The following COX10 variants were observed in gnomAD, a reference collection of about 807,000 sequenced individuals.
COX10 encodes the protein cytochrome c oxidase assembly factor heme A:farnesyltransferase COX10.
A neutral mutation model predicts 37.3 loss-of-function variants in COX10; 27 were observed. The ratio of observed to expected loss-of-function variants is 0.72; its 90% confidence interval spans 0.53 to 1.00. The LOEUF (loss-of-function observed/expected upper bound fraction) is 1.00, where lower values mean the gene tolerates loss of function less well. Among genes scored for constraint, COX10 ranks in the 50% least tolerant of loss-of-function variants. COX10 has a pLI of 0.00. For synonymous variants in COX10, 222 were observed against 229.1 expected (o/e 0.97, Z 0.28); for missense variants, 475 against 563.2 (o/e 0.84, Z 1.59).
intron 4 of COX10, among the ~76,000 whole-genome samples, chr17:14,135,538 T>C (rs1904336506): frequency 6.6e-6 from 1 of 151,898 alleles, no homozygotes; most frequent in Admixed American, 6.6e-5. Context: ...AATTAAGGAC[T>C]GCAGAAGATT....
rs531828735 is a variant in COX10, at chr17:14,165,637, G to A, written c.695+5690G>A. On this transcript the variant is annotated intron_variant, in intron 5 of 6. Coordinates refer to ENST00000261643, the MANE Select transcript of COX10 (RefSeq NM_001303.4). ...ATAGCCTTGTGTGTGCAAGTGAAAG[G>A]GACAATTGCTTGTCTCTCACTTTAA... 1.1e-3 allele frequency among the ~76,000 whole-genome samples: 162 copies of A among 152,226 alleles called. 1 individual carries two copies. Among genetic ancestry groups the A allele is most frequent in the African/African-American group, 3.8e-3 (159 of 41,510 alleles).
chr17:14,080,283 G>T (rs1915260921), intron 3 of COX10, among the ~76,000 whole-genome samples: 1 of 146,632 alleles, frequency 6.8e-6, no homozygotes, highest in Admixed American at 7.0e-5. Flanking sequence ...GAGTCCAGTG[G>T]CGAGATCTCA....
chr17:14,206,233 A>G (rs4792445), intron 6 of COX10, among the ~76,000 whole-genome samples: 151,361 of 152,220 alleles, frequency 0.99, 75,268 homozygotes, highest in Middle Eastern at 1. Context: ...ACTGCCCTGG[A>G]AAGGGAGCCA....
intron 5 of COX10, among the ~76,000 whole-genome samples, chr17:14,183,432 A>G (rs1905925659): frequency 2.0e-5 from 3 of 152,114 alleles, no homozygotes; most frequent in Admixed American, 2.0e-4. Context: ...GTTCAACTCT[A>G]TTTCAGATTG....
intron 3 of COX10, among the ~76,000 whole-genome samples, chr17:14,089,360 A>C (rs1179637983): frequency 6.6e-6 from 1 of 152,222 alleles, no homozygotes; most frequent in African/African-American, 2.4e-5. Flanking sequence ...GTGGTTGTGG[A>C]TGTGTACTGA....
chr17:14,140,269 C>T (rs989544374), intron 4 of COX10, among the ~76,000 whole-genome samples: 2 of 151,920 alleles, frequency 1.3e-5, no homozygotes, highest in Admixed American at 1.3e-4. Context: ...AACTATAGAC[C>T]TACCACTCTG....
intron 5 of COX10, among the ~76,000 whole-genome samples, chr17:14,190,895 A>C (rs1906180358): frequency 6.6e-6 from 1 of 152,092 alleles, no homozygotes; most frequent in Non-Finnish European, 1.5e-5. Context: ...CATAGGGTAA[A>C]GTCTGCCTCT....
Position 14,069,643 on chromosome 17 carries a change from T to G in COX10, c.38T>G (p.Leu13Arg). ...CCGCACACTCTCTCCTCACGCCTCC[T>G]GACAGGTACTGTACCCGCCTTGGGC... Reference protein sequence around the residue: ...ASPHTLSSRLLTGCVGGSVWY... With the variant: ...ASPHTLSSRLRTGCVGGSVWY... The change falls in exon 1 of 7, where the codon CTG becomes CGG. Residue 13 changes from leucine to arginine, a missense_variant. Leu to Arg is a moderately radical substitution (Grantham distance 102, BLOSUM62 -2). Coordinates refer to ENST00000261643, the MANE Select transcript of COX10 (RefSeq NM_001303.4). 6.2e-7 allele frequency: 1 copy of G among 1,614,078 alleles called. No individual in the cohort carries two copies. Among genetic ancestry groups the G allele is most frequent in the Non-Finnish European group, 8.5e-7 (1 of 1,179,976 alleles).
chr17:14,110,372 A>G (rs963232098), intron 4 of COX10, among the ~76,000 whole-genome samples: 13 of 152,242 alleles, frequency 8.5e-5, no homozygotes, highest in Non-Finnish European at 1.9e-4. Flanking sequence ...TTGTGGAATT[A>G]TGTATGAGGT....
At chr17:14,159,973 C>G (rs1246081416) in intron 5 of COX10, 26 bp downstream of exon 5, 2 of 1,590,208 alleles carry the variant, frequency 1.3e-6, no homozygotes, top group East Asian at 2.2e-5. Flanking sequence ...CAAGTGTCTT[C>G]CACATTATAA....
intron 4 of COX10, among the ~76,000 whole-genome samples, chr17:14,155,300 A>G (rs1905011378): frequency 6.7e-6 from 1 of 148,904 alleles, no homozygotes; most frequent in Non-Finnish European, 1.5e-5. Context: ...TTTGAGACAC[A>G]TTGAGTTTGT....
Position 14,195,469 on chromosome 17 carries a change from G to A in COX10, c.928+3248G>A, listed in dbSNP as rs142361174. ...GTCCCATTAGCCATATTTCAAACGC[G>A]CAAAGGCACATGTACCTAGTAGTTA... is the stretch of plus-strand genomic sequence containing the variant. On this transcript the variant is annotated intron_variant, in intron 6 of 6. Transcript: ENST00000261643. 7.9e-3 allele frequency among the ~76,000 whole-genome samples: 1,208 copies of A among 152,202 alleles called. 10 individuals carry two copies. The highest frequency in any genetic ancestry group is 0.017 in the Middle Eastern group (5 of 294).
intron 3 of COX10, among the ~76,000 whole-genome samples, chr17:14,094,107 T>C (rs1023867038): frequency 2.0e-5 from 3 of 152,174 alleles, no homozygotes; most frequent in Middle Eastern, 3.2e-3. Flanking sequence ...ATGATTCTCT[T>C]GATTAGACCC....
At chr17:14,117,049 A>G (rs1425221553) in intron 4 of COX10, among the ~76,000 whole-genome samples, 2 of 152,166 alleles carry the variant, frequency 1.3e-5, no homozygotes, top group Admixed American at 1.3e-4. Context: ...CCATGCTTTA[A>G]TTACAAATAT....
At chr17:14,154,337 T>C (rs968074895) in intron 4 of COX10, among the ~76,000 whole-genome samples, 1 of 152,256 alleles carries the variant, frequency 6.6e-6, no homozygotes, top group Non-Finnish European at 1.5e-5. Context: ...TAACAATGGA[T>C]AATCTGTGTT....
chr17:14,090,135 A>C (rs1468798985), intron 3 of COX10, among the ~76,000 whole-genome samples: 5 of 151,900 alleles, frequency 3.3e-5, no homozygotes, highest in African/African-American at 1.2e-4. Context: ...ATCTCCCTCT[A>C]TCTACTATGT....
chr17:14,095,375 A>C (rs991236720), intron 3 of COX10, among the ~76,000 whole-genome samples: 1 of 152,150 alleles, frequency 6.6e-6, no homozygotes. Context: ...CTCTGTTTGC[A>C]CTGTTGCCAT....
chr17:14,106,787 C>A (rs916719833), intron 4 of COX10, among the ~76,000 whole-genome samples: 10 of 151,904 alleles, frequency 6.6e-5, no homozygotes, highest in Non-Finnish European at 1.3e-4. Context: ...GTTTTTTGGT[C>A]AGTTGTTTGC....
chr17:14,126,896 G>A (rs1916353649), intron 4 of COX10, among the ~76,000 whole-genome samples: 1 of 151,922 alleles, frequency 6.6e-6, no homozygotes, highest in Admixed American at 6.6e-5. Flanking sequence ...ATCAGTATGA[G>A]CATTACTGAA....
Sources: gnomAD v4.1 joint callset for allele counts (sites outside exome capture counted in the v4.1 genomes callset) on GRCh38, gnomAD v4.1.1 for gene constraint, MANE v1.5 for transcripts, NCBI Gene and HGNC (gene_info 2026-07-23, HGNC 2026-07-21) for gene names.